SLC24A2: variants seen among roughly 807,000 people sequenced by gnomAD.
SLC24A2 encodes the protein solute carrier family 24 member 2, also known as sodium/potassium/calcium exchanger 2.
In SLC24A2, 36 loss-of-function variants were observed where a neutral mutation model predicts 62.0. The ratio of observed to expected loss-of-function variants is 0.58; its 90% CI spans 0.44 to 0.77. The LOEUF (loss-of-function observed/expected upper bound fraction) is 0.77, where lower values mean the gene tolerates loss of function less well. SLC24A2 is among the 30% of genes least tolerant of loss of function. SLC24A2 has a pLI of 0.00. For synonymous variants in SLC24A2, 358 were observed against 294.0 expected (o/e 1.22, Z -2.23); for missense variants, 846 against 817.9 (o/e 1.03, Z -0.42).
At chr9:20,304,832 A>G in the SLC24A2 span, among the ~76,000 whole-genome samples, 1 of 152,192 alleles carries the variant, frequency 6.6e-6, no homozygotes, top group Non-Finnish European at 1.5e-5. Context: ...AATAAGCAGC[A>G]GAGCAAGGAC....
the SLC24A2 span, among the ~76,000 whole-genome samples, chr9:20,248,703 C>G: frequency 6.6e-6 from 1 of 152,210 alleles, no homozygotes; most frequent in Non-Finnish European, 1.5e-5. Context: ...CCGAGCATTT[C>G]TCCAACGCTG....
At chr9:20,015,194 T>C in the SLC24A2 span, among the ~76,000 whole-genome samples, 1 of 152,128 alleles carries the variant, frequency 6.6e-6, no homozygotes, top group Non-Finnish European at 1.5e-5. Context: ...CTTCTACATA[T>C]CTGGTGCTGG....
the SLC24A2 span, among the ~76,000 whole-genome samples, chr9:20,166,672 G>A: frequency 6.6e-6 from 1 of 151,870 alleles, no homozygotes; most frequent in Non-Finnish European, 1.5e-5. Context: ...CTTACAAAAG[G>A]TATGAAAGAA....
the SLC24A2 span, among the ~76,000 whole-genome samples, chr9:19,885,689 T>G: frequency 6.6e-6 from 1 of 152,128 alleles, no homozygotes. Flanking sequence ...GTACAGATAA[T>G]TTCATCACCC....
the SLC24A2 span, among the ~76,000 whole-genome samples, chr9:20,078,286 A>G: frequency 3.9e-5 from 6 of 151,986 alleles, no homozygotes; most frequent in Admixed American, 2.0e-4. Flanking sequence ...AGGACTGCCC[A>G]ATTCTTCCAG....
chr9:20,153,066 C>CA, the SLC24A2 span, among the ~76,000 whole-genome samples: 1 of 151,750 alleles, frequency 6.6e-6, no homozygotes, highest in African/African-American at 2.4e-5. Flanking sequence ...CATGCTTATA[C>CA]AGAAAATTTA....
chr9:19,681,020 C>T (rs1340498476), intron 2 of SLC24A2, among the ~76,000 whole-genome samples: 7 of 152,022 alleles, frequency 4.6e-5, no homozygotes. Context: ...AACACAGCAG[C>T]CAGAGTGACC....
At chr9:20,270,152 C>T in the SLC24A2 span, among the ~76,000 whole-genome samples, 3 of 152,120 alleles carry the variant, frequency 2.0e-5, no homozygotes, top group African/African-American at 7.2e-5. Flanking sequence ...CATTCACAAC[C>T]ACCAGAAGGG....
chr9:20,088,948 C>T, the SLC24A2 span, among the ~76,000 whole-genome samples: 1 of 152,186 alleles, frequency 6.6e-6, no homozygotes, highest in Non-Finnish European at 1.5e-5. Flanking sequence ...AATAGACTCC[C>T]ACCATATTGC....
chr9:20,253,425 A>G, the SLC24A2 span, among the ~76,000 whole-genome samples: 67 of 152,298 alleles, frequency 4.4e-4, no homozygotes, highest in African/African-American at 1.6e-3. Context: ...TTACTTCAAT[A>G]ATAATTGTTT....
chr9:19,895,066 C>T, the SLC24A2 span, among the ~76,000 whole-genome samples: 1 of 152,132 alleles, frequency 6.6e-6, no homozygotes, highest in Non-Finnish European at 1.5e-5. Context: ...GTTATTTTAA[C>T]TCTATAAAGA....
chr9:20,275,268 G>C, the SLC24A2 span, among the ~76,000 whole-genome samples: 1 of 152,088 alleles, frequency 6.6e-6, no homozygotes, highest in African/African-American at 2.4e-5. Context: ...TGAAAATCAC[G>C]GTACCAATGA....
chr9:19,928,874 C>T, the SLC24A2 span: 2 of 152,064 alleles, frequency 1.3e-5, no homozygotes, highest in Admixed American at 1.3e-4. Flanking sequence ...AAAAAAGGAC[C>T]CTTCCATGCT....
chr9:20,100,875 G>T, the SLC24A2 span, among the ~76,000 whole-genome samples: 2 of 151,866 alleles, frequency 1.3e-5, no homozygotes, highest in Non-Finnish European at 2.9e-5. Flanking sequence ...TTTTATCTTG[G>T]AAAGAAGCAA....
At chr9:20,062,218 G>A in the SLC24A2 span, among the ~76,000 whole-genome samples, 1 of 152,134 alleles carries the variant, frequency 6.6e-6, no homozygotes, top group Non-Finnish European at 1.5e-5. Flanking sequence ...GACAGAGAAA[G>A]ACCTTCTCTC....
the SLC24A2 span, among the ~76,000 whole-genome samples, chr9:20,268,253 C>A: frequency 6.6e-6 from 1 of 152,140 alleles, no homozygotes; most frequent in African/African-American, 2.4e-5. Flanking sequence ...CCCTCACAGC[C>A]AATAGCCCCA....
the SLC24A2 span, among the ~76,000 whole-genome samples, chr9:20,170,074 A>C: frequency 6.6e-6 from 1 of 152,034 alleles, no homozygotes; most frequent in Non-Finnish European, 1.5e-5. Flanking sequence ...AACAGGCAGA[A>C]GAAAGAACTT....
Position 19,636,320 on chromosome 9 carries a change from TTTCTTTCTTTCTTTCTTTC to T in SLC24A2, c.931-14040_931-14022del, listed in dbSNP as rs1435988457. ...TTTTCTTTTCTTTTCTTTTCTTTTC[TTTCTTTCTTTCTTTCTTTC>T]TTTCTTTCTTTCTTTCTTTCTTTCT... On this transcript the variant is annotated intron_variant, in intron 2 of 10. Transcript: ENST00000341998. Among the ~76,000 whole-genome samples the T allele has an allele frequency of 3.3e-4, 7 of 21,356 alleles. 1 individual carries two copies. Among genetic ancestry groups the T allele is most frequent in the African/African-American group, 9.5e-4 (6 of 6,294 alleles). The allele number at this position is 21,356 out of a possible 152,430, so 14.0% of individuals were successfully genotyped here.
chr9:20,009,575 T>TCC, the SLC24A2 span, among the ~76,000 whole-genome samples: 1 of 152,010 alleles, frequency 6.6e-6, no homozygotes, highest in African/African-American at 2.4e-5. Flanking sequence ...AGCCAGCTTC[T>TCC]CCACACAGCC....
Sources: allele counts gnomAD v4.1 joint callset (sites outside exome capture counted in the v4.1 genomes callset), GRCh38; gene constraint gnomAD v4.1.1; transcripts MANE v1.5; gene names NCBI Gene and HGNC (gene_info 2026-07-23, HGNC 2026-07-21).